The following MGAT4C variants were observed in gnomAD, a reference collection of about 807,000 sequenced individuals.
The protein encoded by MGAT4C is alpha-1,3-mannosyl-glycoprotein 4-beta-N-acetylglucosaminyltransferase C.
In MGAT4C, 19 loss-of-function variants were observed where a neutral mutation model predicts 40.1. The observed-to-expected ratio is 0.47, with a 90% CI of 0.33 to 0.70. The LOEUF is 0.70. MGAT4C is among the 30% of genes least tolerant of loss of function. The pLI, the probability that MGAT4C is intolerant of heterozygous loss-of-function variation, is 0.02. For synonymous variants in MGAT4C, 181 were observed against 187.1 expected (o/e 0.97, Z 0.27); for missense variants, 491 against 563.2 (o/e 0.87, Z 1.30).
intron 4 of MGAT4C, among the ~76,000 whole-genome samples, chr12:86,263,503 T>C (rs568420298): frequency 6.6e-6 from 1 of 152,304 alleles, no homozygotes; most frequent in South Asian, 2.1e-4. Flanking sequence ...GCAAATGTCA[T>C]AATTTCATAT....
At chr12:86,430,251 C>T (rs972715585) in intron 3 of MGAT4C, among the ~76,000 whole-genome samples, 2 of 152,140 alleles carry the variant, frequency 1.3e-5, no homozygotes, top group African/African-American at 4.8e-5. Flanking sequence ...CTACAGATTT[C>T]TAGATCTCCA....
intron 1 of MGAT4C, among the ~76,000 whole-genome samples, chr12:86,073,987 T>C (rs889118177): frequency 4.6e-5 from 7 of 152,112 alleles, no homozygotes; most frequent in African/African-American, 1.7e-4. Flanking sequence ...TCAGTTTGAA[T>C]TGTACCTCCC....
At chr12:86,240,465 T>C (rs2136043050) in intron 1 of MGAT4C, among the ~76,000 whole-genome samples, 1 of 152,244 alleles carries the variant, frequency 6.6e-6, no homozygotes, top group East Asian at 1.9e-4. Flanking sequence ...CAACAATATT[T>C]ATTGGATAAC....
chr12:86,795,350 A>G (rs1386995286), intron 1 of MGAT4C, among the ~76,000 whole-genome samples: 1 of 151,968 alleles, frequency 6.6e-6, no homozygotes, highest in Non-Finnish European at 1.5e-5. Flanking sequence ...TGAAATTTTA[A>G]GACAGTAGCT....
At chr12:86,737,031 C>A (rs925899479) in intron 1 of MGAT4C, among the ~76,000 whole-genome samples, 33 of 148,972 alleles carry the variant, frequency 2.2e-4, no homozygotes, top group Non-Finnish European at 3.4e-4. Flanking sequence ...AAAAAAAAAA[C>A]CTGCCAATTT....
chr12:86,433,417 A>C (rs1428771920), intron 3 of MGAT4C, among the ~76,000 whole-genome samples: 1 of 151,752 alleles, frequency 6.6e-6, no homozygotes, highest in Non-Finnish European at 1.5e-5. Context: ...AGTTGGAAAG[A>C]TATAAACTGA....
chr12:86,385,330 T>C (rs1956030570), intron 3 of MGAT4C, among the ~76,000 whole-genome samples: 1 of 152,172 alleles, frequency 6.6e-6, no homozygotes, highest in Non-Finnish European at 1.5e-5. Flanking sequence ...TGAGGATAAA[T>C]CCTATTCCTC....
intron 2 of MGAT4C, among the ~76,000 whole-genome samples, chr12:86,039,233 TTCTC>T: frequency 6.6e-6 from 1 of 152,288 alleles, no homozygotes; most frequent in Non-Finnish European, 1.5e-5. Flanking sequence ...CTTTGTGATG[TTCTC>T]TCTGTTTCCT....
At chr12:86,586,164 T>C (rs1464320294) in intron 2 of MGAT4C, among the ~76,000 whole-genome samples, 1 of 138,760 alleles carries the variant, frequency 7.2e-6, no homozygotes, top group Non-Finnish European at 1.5e-5. Context: ...TGTGTTCTCA[T>C]TGTTTAATTC....
At chr12:86,682,684 G>A (rs1950003715) in intron 2 of MGAT4C, among the ~76,000 whole-genome samples, 1 of 152,032 alleles carries the variant, frequency 6.6e-6, no homozygotes, top group African/African-American at 2.4e-5. Flanking sequence ...TTCTGAGCTT[G>A]CTATTAAATG....
chr12:86,823,416 G>A (rs138055976), intron 1 of MGAT4C, among the ~76,000 whole-genome samples: 35 of 151,174 alleles, frequency 2.3e-4, no homozygotes, highest in African/African-American at 8.2e-4. Flanking sequence ...TGAATTTCAT[G>A]TAATTATCTG....
At chr12:86,577,440 G>A (rs2136429408) in intron 2 of MGAT4C, among the ~76,000 whole-genome samples, 1 of 151,774 alleles carries the variant, frequency 6.6e-6, no homozygotes, top group African/African-American at 2.4e-5. Context: ...CTAGTTTTGG[G>A]TCTGTCGTAT....
At chr12:86,169,170 C>T (rs1425718405) in intron 1 of MGAT4C, among the ~76,000 whole-genome samples, 1 of 152,096 alleles carries the variant, frequency 6.6e-6, no homozygotes, top group African/African-American at 2.4e-5. Context: ...GCGGTTTCCA[C>T]TCTTGAACTA....
intron 1 of MGAT4C, chr12:86,068,102 T>C (rs954073898): frequency 6.6e-6 from 1 of 152,202 alleles, no homozygotes; most frequent in African/African-American, 2.4e-5. Context: ...CTGTGTATGT[T>C]CTTTTCTCAT....
intron 2 of MGAT4C, among the ~76,000 whole-genome samples, chr12:86,620,498 G>A (rs1239139910): frequency 6.6e-6 from 1 of 152,104 alleles, no homozygotes; most frequent in Non-Finnish European, 1.5e-5. Context: ...TTACTTATTA[G>A]ATGGAAATAA....
chr12:86,542,692 A>C, intron 2 of MGAT4C, among the ~76,000 whole-genome samples: 1 of 152,230 alleles, frequency 6.6e-6, no homozygotes, highest in Admixed American at 6.5e-5. Flanking sequence ...ATGCTAAATA[A>C]GCATGGAATT....
intron 3 of MGAT4C, among the ~76,000 whole-genome samples, chr12:86,393,415 A>T (rs757578178): frequency 3.3e-5 from 5 of 152,232 alleles, no homozygotes; most frequent in Non-Finnish European, 7.3e-5. Context: ...GGGATCATAC[A>T]ATCCAATATC....
At chr12:86,315,073 G>A (rs919618028) in intron 4 of MGAT4C, among the ~76,000 whole-genome samples, 2 of 149,706 alleles carry the variant, frequency 1.3e-5, no homozygotes, top group Admixed American at 1.3e-4. Flanking sequence ...ATAAAAAACA[G>A]AACAAAGCTA....
intron 2 of MGAT4C, among the ~76,000 whole-genome samples, chr12:86,013,156 C>G (rs2136827686): frequency 6.6e-6 from 1 of 152,230 alleles, no homozygotes; most frequent in Non-Finnish European, 1.5e-5. Context: ...AGAAGTAAGA[C>G]CTTGTCTCTT....
Sources: allele counts gnomAD v4.1 joint callset (sites outside exome capture counted in the v4.1 genomes callset), GRCh38; gene constraint gnomAD v4.1.1; transcripts MANE v1.5; gene names NCBI Gene and HGNC (gene_info 2026-07-23, HGNC 2026-07-21).